Variants in NRXN3 observed in about 807,000 individuals in gnomAD.
The protein encoded by NRXN3 is neurexin III.
Under a neutral mutation model 137.6 loss-of-function variants are expected in NRXN3, and 32 were observed. The ratio of observed to expected loss-of-function variants is 0.23; its 90% CI spans 0.18 to 0.31. The LOEUF (loss-of-function observed/expected upper bound fraction) is 0.31. NRXN3 is among the 10% of genes least tolerant of loss of function. The pLI is 1.00. For synonymous variants in NRXN3, 798 were observed against 784.5 expected (o/e 1.02, Z -0.29); for missense variants, 1,574 against 2,062.5 (o/e 0.76, Z 4.59).
chr14:79,133,034 G>A (rs575031716), intron 15 of NRXN3, among the ~76,000 whole-genome samples: 6 of 152,324 alleles, frequency 3.9e-5, no homozygotes, highest in East Asian at 1.9e-4. Flanking sequence ...CCCTGAAGGC[G>A]CTGGCAGCTG....
intron 15 of NRXN3, among the ~76,000 whole-genome samples, chr14:79,385,001 C>T (rs931656310): frequency 2.0e-5 from 3 of 152,072 alleles, no homozygotes; most frequent in African/African-American, 7.2e-5. Context: ...CTCTGTTTCT[C>T]AACTGAGATA....
intron 1 of NRXN3, among the ~76,000 whole-genome samples, chr14:78,171,344 G>A (rs1286803626): frequency 6.7e-6 from 1 of 150,038 alleles, no homozygotes; most frequent in East Asian, 1.9e-4. Flanking sequence ...GTGTGTGAGT[G>A]TGTGTGTGTG....
chr14:79,396,863 C>T (rs996588823), intron 15 of NRXN3, among the ~76,000 whole-genome samples: 23 of 152,118 alleles, frequency 1.5e-4, no homozygotes, highest in African/African-American at 5.3e-4. Context: ...GAGAAAATAG[C>T]CACTTTCATA....
At position 78,595,044 on chromosome 14, in the gene NRXN3, G is replaced by A. The variant is rs539663865; in HGVS notation, c.758-50076G>A. Among the ~76,000 whole-genome samples the A allele has an allele frequency of 3.3e-5, 5 of 152,298 alleles. No individual in the cohort carries two copies. The East Asian group carries it at 7.7e-4, about 24-fold the overall frequency. On this transcript the variant is annotated intron_variant, in intron 4 of 20. Coordinates refer to ENST00000335750, the MANE Select transcript of NRXN3 (RefSeq NM_001330195.2). Reference sequence around the variant, plus strand: ...AGAACAAAGTCCTTGGTCTCATGAAGCTAACATTGTAAAGGGAGATACAGA... The same window carrying A: ...AGAACAAAGTCCTTGGTCTCATGAAACTAACATTGTAAAGGGAGATACAGA...
At chr14:78,437,323 AT>A (rs146379774) in intron 4 of NRXN3, among the ~76,000 whole-genome samples, 1 of 149,804 alleles carries the variant, frequency 6.7e-6, no homozygotes, top group African/African-American at 2.5e-5. Flanking sequence ...ATGGTGGTTT[AT>A]TTTTTTCTTT....
At chr14:78,216,517 T>C (rs2153419185) in intron 1 of NRXN3, among the ~76,000 whole-genome samples, 1 of 152,278 alleles carries the variant, frequency 6.6e-6, no homozygotes, top group East Asian at 1.9e-4. Flanking sequence ...TCTTGTTCTC[T>C]AGCTGGCCAG....
chr14:79,379,776 A>G (rs1255761481), intron 15 of NRXN3, among the ~76,000 whole-genome samples: 1 of 151,720 alleles, frequency 6.6e-6, no homozygotes, highest in East Asian at 1.9e-4. Flanking sequence ...ACTTTCCCCC[A>G]CTCTAATTCT....
Position 79,853,825 on chromosome 14 carries a change from G to A in NRXN3, c.4094-7517G>A, listed in dbSNP as rs925653667. 1.4e-4 allele frequency: 134 copies of A among 984,130 alleles called. 1 individual carries two copies. Among genetic ancestry groups the A allele is most frequent in the Middle Eastern group, 5.2e-4 (1 of 1,916 alleles). The allele number at this position is 984,130 out of a possible 1,614,324, so 61.0% of individuals were successfully genotyped here. On this transcript the variant is annotated intron_variant, in intron 20 of 20. Coordinates refer to ENST00000335750, the MANE Select transcript of NRXN3 (RefSeq NM_001330195.2). The stretch of plus-strand genomic sequence containing the variant: ...AAATGCAGAAATTCATTCAAAACCC[G>A]TTAGAGTCATAGAATTTTTTGAAAG...
intron 15 of NRXN3, among the ~76,000 whole-genome samples, chr14:78,990,602 A>G (rs930149139): frequency 2.0e-5 from 3 of 151,958 alleles, no homozygotes; most frequent in African/African-American, 7.3e-5. Context: ...TGAACTCCTG[A>G]CCTCGTGATC....
intron 8 of NRXN3, among the ~76,000 whole-genome samples, chr14:78,736,310 G>A (rs903238783): frequency 2.6e-5 from 4 of 152,152 alleles, no homozygotes; most frequent in South Asian, 2.1e-4. Context: ...AGGTTTTGGT[G>A]GCAGGCAGAA....
intron 4 of NRXN3, among the ~76,000 whole-genome samples, chr14:78,308,636 G>T (rs1201986013): frequency 6.6e-6 from 1 of 152,052 alleles, no homozygotes; most frequent in African/African-American, 2.4e-5. Flanking sequence ...ATAAGCTAAT[G>T]ACTATGCCTC....
intron 4 of NRXN3, among the ~76,000 whole-genome samples, chr14:78,411,982 T>G (rs535586005): frequency 3.9e-5 from 6 of 152,370 alleles, no homozygotes; most frequent in African/African-American, 1.4e-4. Context: ...TTAAGGAAGT[T>G]ACTTAATCTT....
chr14:78,867,354 C>T (rs2099089589), intron 10 of NRXN3, among the ~76,000 whole-genome samples: 1 of 152,120 alleles, frequency 6.6e-6, no homozygotes, highest in South Asian at 2.1e-4. Flanking sequence ...AATGTTTTTG[C>T]TAACATCTTG....
chr14:79,241,746 C>T (rs751681400), intron 15 of NRXN3, among the ~76,000 whole-genome samples: 8 of 152,088 alleles, frequency 5.3e-5, no homozygotes, highest in Non-Finnish European at 1.2e-4. Flanking sequence ...GTACCAGAAA[C>T]TTTTACATGC....
chr14:79,233,153 G>A (rs1408441590), intron 15 of NRXN3, among the ~76,000 whole-genome samples: 2 of 152,130 alleles, frequency 1.3e-5, no homozygotes, highest in African/African-American at 2.4e-5. Context: ...TAACTAGTAA[G>A]TTCTAGCAGC....
intron 15 of NRXN3, among the ~76,000 whole-genome samples, chr14:79,316,089 G>C (rs550346766): frequency 3.2e-4 from 49 of 152,286 alleles, no homozygotes; most frequent in African/African-American, 1.1e-3. Context: ...CCCGAATCGC[G>C]AGGAAGGTAT....
chr14:79,736,351 TTC>T (rs1186928944), intron 19 of NRXN3, among the ~76,000 whole-genome samples: 1 of 152,200 alleles, frequency 6.6e-6, no homozygotes, highest in Non-Finnish European at 1.5e-5. Flanking sequence ...CTTTAAACAT[TTC>T]TTGATTTTTC....
At chr14:79,809,506 T>C (rs1283175523) in intron 20 of NRXN3, among the ~76,000 whole-genome samples, 12 of 152,224 alleles carry the variant, frequency 7.9e-5, no homozygotes, top group Non-Finnish European at 1.8e-4. Flanking sequence ...TTCTGGGAAC[T>C]AGATTATTTT....
chr14:78,997,392 T>C (rs2099532163), intron 15 of NRXN3, among the ~76,000 whole-genome samples: 1 of 152,182 alleles, frequency 6.6e-6, no homozygotes, highest in African/African-American at 2.4e-5. Context: ...GCTAGTTACT[T>C]ACTTAAGGTG....
Sources: allele counts gnomAD v4.1 joint callset (sites outside exome capture counted in the v4.1 genomes callset), GRCh38; gene constraint gnomAD v4.1.1; transcripts MANE v1.5; gene names NCBI Gene and HGNC (gene_info 2026-07-23, HGNC 2026-07-21).